The following KCNIP4 variants were observed in gnomAD, a reference collection of about 807,000 sequenced individuals.
KCNIP4 encodes potassium voltage-gated channel interacting protein 4, also known as Kv channel-interacting protein 4.
In KCNIP4, 12 loss-of-function variants were observed where a neutral mutation model predicts 34.0. That is an observed-to-expected ratio of 0.35 (90% confidence interval 0.23 to 0.57). The LOEUF (loss-of-function observed/expected upper bound fraction) is 0.57, where lower values mean the gene tolerates loss of function less well. Among genes scored for constraint, KCNIP4 ranks in the 20% least tolerant of loss-of-function variants. KCNIP4 has a pLI of 0.83. For missense variants in KCNIP4, 238 were observed against 311.7 expected (o/e 0.76, Z 1.78); for synonymous variants, 124 against 102.2 (o/e 1.21, Z -1.29).
At chr4:20,908,258 C>T (rs1040289908) in intron 1 of KCNIP4, among the ~76,000 whole-genome samples, 1 of 152,074 alleles carries the variant, frequency 6.6e-6, no homozygotes, top group East Asian at 1.9e-4. Context: ...CACCGCCATG[C>T]CCAGCTAATT....
At chr4:20,997,195 G>A (rs773067715) in intron 1 of KCNIP4, among the ~76,000 whole-genome samples, 3 of 152,158 alleles carry the variant, frequency 2.0e-5, no homozygotes, top group South Asian at 2.1e-4. Flanking sequence ...TGGTAATAGC[G>A]CAAATAAAAG....
chr4:20,783,485 C>G (rs1468345742), intron 3 of KCNIP4, among the ~76,000 whole-genome samples: 2 of 152,138 alleles, frequency 1.3e-5, no homozygotes, highest in East Asian at 3.9e-4. Flanking sequence ...ATGGCAGCAG[C>G]AAGAGAAAAT....
intron 2 of KCNIP4, among the ~76,000 whole-genome samples, chr4:20,859,592 A>G (rs1014090320): frequency 8.5e-5 from 13 of 152,166 alleles, no homozygotes; most frequent in African/African-American, 2.7e-4. Flanking sequence ...CCCTCAGGCC[A>G]TGACACAATT....
chr4:21,166,910 G>T, intron 1 of KCNIP4, among the ~76,000 whole-genome samples: 1 of 118,736 alleles, frequency 8.4e-6, no homozygotes. Context: ...TTGCACTCCA[G>T]CCTGGGGGAC....
intron 1 of KCNIP4, among the ~76,000 whole-genome samples, chr4:21,892,231 A>G (rs1727137545): frequency 6.6e-6 from 1 of 152,120 alleles, no homozygotes; most frequent in East Asian, 1.9e-4. Flanking sequence ...ATAAAACAAC[A>G]TGGATGAATC....
At chr4:21,727,431 G>T (rs1394787428) in intron 1 of KCNIP4, among the ~76,000 whole-genome samples, 2 of 152,092 alleles carry the variant, frequency 1.3e-5, no homozygotes, top group African/African-American at 4.8e-5. Flanking sequence ...TCTTGGACTT[G>T]CCAGCCTCCA....
intron 1 of KCNIP4, among the ~76,000 whole-genome samples, chr4:21,120,950 G>T (rs527624492): frequency 6.6e-6 from 1 of 152,154 alleles, no homozygotes; most frequent in Non-Finnish European, 1.5e-5. Context: ...AAATTCTGGG[G>T]AGGCACAATT....
chr4:20,858,873 TCA>T (rs1395140266), intron 2 of KCNIP4, among the ~76,000 whole-genome samples: 1 of 152,194 alleles, frequency 6.6e-6, no homozygotes, highest in Non-Finnish European at 1.5e-5. Context: ...AAATTGGGAC[TCA>T]CATTTCTTAA....
At chr4:21,342,882 C>T (rs1368909181) in intron 1 of KCNIP4, among the ~76,000 whole-genome samples, 1 of 151,948 alleles carries the variant, frequency 6.6e-6, no homozygotes, top group South Asian at 2.1e-4. Flanking sequence ...ATTTTCTTAG[C>T]TAAGGGGCAG....
chr4:21,320,524 C>A (rs987940162), intron 1 of KCNIP4, among the ~76,000 whole-genome samples: 1 of 152,094 alleles, frequency 6.6e-6, no homozygotes, highest in Non-Finnish European at 1.5e-5. Context: ...TATGTGTTAG[C>A]ATTTTTTAAA....
chr4:21,176,061 T>C (rs1276986090), intron 1 of KCNIP4, among the ~76,000 whole-genome samples: 3 of 152,218 alleles, frequency 2.0e-5, no homozygotes, highest in African/African-American at 7.2e-5. Flanking sequence ...CTAACTTGTC[T>C]GAGGCAATTT....
At chr4:21,608,156 G>A (rs940707811) in intron 1 of KCNIP4, among the ~76,000 whole-genome samples, 36 of 151,994 alleles carry the variant, frequency 2.4e-4, no homozygotes, top group African/African-American at 8.5e-4. Context: ...TATTCCCTCT[G>A]TATTCTTCCA....
At chr4:21,851,579 G>GA (rs1484806261) in intron 1 of KCNIP4, 1 of 151,996 alleles carries the variant, frequency 6.6e-6, no homozygotes, top group Non-Finnish European at 1.5e-5. Flanking sequence ...AAATTAAAAT[G>GA]AAAAAAATAC....
chr4:21,883,003 T>C (rs1726548781), intron 1 of KCNIP4, among the ~76,000 whole-genome samples: 1 of 152,126 alleles, frequency 6.6e-6, no homozygotes, highest in Non-Finnish European at 1.5e-5. Flanking sequence ...AATCTGGAAA[T>C]AAAATTAAAA....
At chr4:20,841,107 C>T (rs73242515) in intron 3 of KCNIP4, among the ~76,000 whole-genome samples, 10,756 of 152,174 alleles carry the variant, frequency 0.071, 482 homozygotes, top group Non-Finnish European at 0.1. Context: ...CTTTCACTCC[C>T]CCTATTATTA....
intron 1 of KCNIP4, among the ~76,000 whole-genome samples, chr4:21,786,920 G>T (rs1317105618): frequency 6.6e-6 from 1 of 151,930 alleles, no homozygotes; most frequent in Admixed American, 6.6e-5. Flanking sequence ...GAGAATAAAG[G>T]TTATGTCTCT....
intron 1 of KCNIP4, among the ~76,000 whole-genome samples, chr4:21,553,605 A>C (rs1286270811): frequency 1.3e-5 from 2 of 152,056 alleles, no homozygotes. Context: ...GGCATTTCAC[A>C]TGTGATCACA....
chr4:21,793,383 C>T (rs1410603193), intron 1 of KCNIP4, among the ~76,000 whole-genome samples: 4 of 151,970 alleles, frequency 2.6e-5, no homozygotes, highest in Non-Finnish European at 5.9e-5. Flanking sequence ...TCAGCCACCC[C>T]AGTAGCTGGG....
At chr4:21,043,335 T>C (rs71607052) in intron 1 of KCNIP4, among the ~76,000 whole-genome samples, 6 of 152,072 alleles carry the variant, frequency 3.9e-5, no homozygotes, top group Non-Finnish European at 8.8e-5. Flanking sequence ...TTTTTCTGTT[T>C]GTTTGTTTGT....
Sources: gnomAD v4.1 joint callset for allele counts (sites outside exome capture counted in the v4.1 genomes callset) on GRCh38, gnomAD v4.1.1 for gene constraint, MANE v1.5 for transcripts, NCBI Gene and HGNC (gene_info 2026-07-23, HGNC 2026-07-21) for gene names.